The following OPLAH variants were observed in gnomAD, a reference collection of about 807,000 sequenced individuals.
OPLAH encodes the protein 5-oxoprolinase, ATP-hydrolysing, also known as 5-oxoprolinase.
In OPLAH, 103 loss-of-function variants were observed where a neutral mutation model predicts 122.8. The ratio of observed to expected loss-of-function variants is 0.84; its 90% CI spans 0.71 to 0.99. The LOEUF is 0.99. OPLAH is among the 50% of genes least tolerant of loss of function. The pLI, the probability that OPLAH is intolerant of heterozygous loss-of-function variation, is 0.00. For synonymous variants in OPLAH, 875 were observed against 796.0 expected (o/e 1.10, Z -1.67); for missense variants, 1,902 against 1,836.5 (o/e 1.04, Z -0.65).
rs782207308 is a variant in OPLAH, at chr8:144,058,139, G to A, written c.959C>T (p.Thr320Met). ...TTCCCCAGCATAGCGGCTCACATCC[G>A]TGGACGTGCCTGGCAGGGGTGGGGT... ...VIGFDMGGTS[T>M]DVSRYAGEFE... Residue 320 changes from threonine to methionine, a missense_variant, in exon 8 of 27, where the codon ACG becomes ATG. Physicochemically the swap from Thr to Met is moderately conservative, Grantham distance 81. Coordinates refer to ENST00000618853, the MANE Select transcript of OPLAH (RefSeq NM_017570.5). The A allele has an allele frequency of 1.2e-5, 19 of 1,612,278 alleles. No homozygotes were observed. In the Middle Eastern group the frequency reaches 4.9e-4, roughly 42 times the overall value.
At position 144,059,729 on chromosome 8, in the gene OPLAH, C is replaced by G; in HGVS notation, c.233G>C (p.Arg78Pro). 6.2e-7 allele frequency: 1 copy of G among 1,610,922 alleles called. No homozygotes were observed. Among genetic ancestry groups the G allele is most frequent in the Non-Finnish European group, 8.5e-7 (1 of 1,179,670 alleles). ...GTTGGTGGCCACTGTGGTGCCCATG[C>G]GGATGCTGGCGATATGACTGGAGTC... ...PLDSSHIASI[R>P]MGTTVATNAL... is the part of the protein sequence containing the mutation. The change falls in exon 3 of 27, where the codon CGC becomes CCC. Residue 78 changes from arginine (R) to proline (P), a missense_variant. Arg to Pro is a moderately radical substitution (Grantham distance 103). Around this residue, in one of 3 missense-constraint regions of OPLAH, gnomAD observed 168 missense variants for 170.6 expected, o/e 0.98. Transcript: ENST00000618853.
At chr8:144,059,163 G>A in intron 3 of OPLAH, 84 bp from the exon 4 acceptor site, 1 of 1,142,430 alleles carries the variant, frequency 8.8e-7, no homozygotes, top group Middle Eastern at 2.0e-4. Flanking sequence ...ACAGGTGAGT[G>A]GCTGTGTCCC....
chr8:144,052,068 A>G lies in OPLAH; in HGVS notation c.3470T>C (p.Val1157Ala), dbSNP rs782075767. 6.3e-6 allele frequency: 10 copies of G among 1,583,224 alleles called. No homozygotes were observed. The South Asian group carries it at 1.1e-4, about 18-fold the overall frequency. Residue 1157 changes from valine to alanine, a missense_variant, in exon 25 of 27, where the codon GTC (valine) becomes GCC (alanine). By Grantham distance (64) the Val-to-Ala change is moderately conservative (BLOSUM62 0). Around this residue, in one of 3 missense-constraint regions of OPLAH, gnomAD observed 1,726 missense variants for 1,642.1 expected, o/e 1.05. Transcript: ENST00000618853. ...CCGCAGCTCGAAGCGGCGCAGGATGACCGGGTACCTGCGAGGGCGAGGACG... is the reference window on the plus strand; with the variant it reads ...CCGCAGCTCGAAGCGGCGCAGGATGGCCGGGTACCTGCGAGGGCGAGGACG... The part of the protein sequence containing the change: ...DPEILESRYP[V>A]ILRRFELRRG...
rs374809391 is a variant in OPLAH, at chr8:144,055,769, C to A, written c.2248+19G>T. ...AGCCGGCGCCTCATCCCACAGGGAG[C>A]CTGGCAGCGGCCACTCACCAGCAAT... On this transcript the variant is annotated intron_variant, in intron 16 of 26. Coordinates refer to ENST00000618853, the MANE Select transcript of OPLAH (RefSeq NM_017570.5). The surrounding 1 kb of genome is among the most constrained non-coding windows in gnomAD (Gnocchi z 6.5). 94 of 1,491,364 alleles carry A rather than the reference C, an allele frequency of 6.3e-5. No homozygotes were observed. Among genetic ancestry groups the A allele is most frequent in the Non-Finnish European group, 8.2e-5 (91 of 1,113,058 alleles). 92.4% of individuals were successfully genotyped at this position (1,491,364 alleles called of 1,614,324 possible).
At chr8:144,062,899 G>A (rs543829832), upstream of OPLAH, among the ~76,000 whole-genome samples, 16 of 149,522 alleles carry the variant, frequency 1.1e-4, no homozygotes, top group East Asian at 2.8e-3. Context: ...CCCCACCTCC[G>A]CCTGCCTCCT....
At chr8:144,059,214 GC>G in intron 3 of OPLAH, 135 bp from the exon 4 acceptor site, 1 of 743,514 alleles carries the variant, frequency 1.3e-6, no homozygotes, top group South Asian at 1.8e-5. Flanking sequence ...ATACCTGGCA[GC>G]CCCAGCAAGG....
At position 144,056,219 on chromosome 8, in the gene OPLAH, G is replaced by A; in HGVS notation, c.2024C>T (p.Pro675Leu). ...GCCCAGCTCTGCCAGCAGGTACACA[G>A]GGGTCTCCTGGTAGCCCCCCTCAAA... ...CYFEGGYQET[P>L]VYLLAELGYG... Residue 675 changes from proline (P) to leucine (L), a missense_variant, in exon 15 of 27, where the codon CCT becomes CTT. Physicochemically the swap from Pro to Leu is moderately conservative, Grantham distance 98. Around this residue, in one of 3 missense-constraint regions of OPLAH, gnomAD observed 1,726 missense variants for 1,642.1 expected, o/e 1.05. Coordinates refer to ENST00000618853, the MANE Select transcript of OPLAH (RefSeq NM_017570.5). 6.2e-7 allele frequency: 1 copy of A among 1,612,078 alleles called. No individual in the cohort carries two copies. Among genetic ancestry groups the A allele is most frequent in the Non-Finnish European group, 8.5e-7 (1 of 1,179,304 alleles).
Position 144,058,883 on chromosome 8 carries a change from G to C in OPLAH, c.477C>G (p.Asp159Glu), listed in dbSNP as rs2129836388. The C allele has an allele frequency of 3.2e-6, 5 of 1,552,736 alleles. No homozygotes were observed. The highest frequency in any genetic ancestry group is 4.4e-6 in the Non-Finnish European group (5 of 1,147,690). Residue 159 changes from aspartate (D) to glutamate (E), a missense_variant, in exon 5 of 27, where the codon GAC becomes GAG. Around this residue, in one of 3 missense-constraint regions of OPLAH, gnomAD observed 1,726 missense variants for 1,642.1 expected, o/e 1.05. Coordinates refer to ENST00000618853, the MANE Select transcript of OPLAH (RefSeq NM_017570.5). ...TGTPVKGRTG[D>E]LLEVQQPVDL... ...CCACAGGCTGCTGCACTTCCAGCAG[G>C]TCCCCCGTGCGGCCTTCCAGAAAAG...
intron 19 of OPLAH, among the ~76,000 whole-genome samples, chr8:144,054,304 C>A (rs773464202): frequency 8.5e-5 from 13 of 152,182 alleles, no homozygotes; most frequent in Non-Finnish European, 1.6e-4. Context: ...TCTCCAGCAC[C>A]CTGACCCTCC....
intron 19 of OPLAH, among the ~76,000 whole-genome samples, chr8:144,054,007 ACAT>A (rs1287979393): frequency 8.7e-6 from 1 of 115,398 alleles, no homozygotes; most frequent in Non-Finnish European, 1.7e-5. Context: ...TCAGCCCAAG[ACAT>A]CAGCATCATC....
downstream of OPLAH, chr8:144,050,800 G>A: frequency 3.0e-6 from 3 of 987,836 alleles, no homozygotes; most frequent in East Asian, 1.1e-4. Flanking sequence ...CCCAGGGACC[G>A]CGCTGAGCAC....
intron 9 of OPLAH, 23 bp downstream of exon 9, chr8:144,057,833 G>A (rs1260355094): frequency 3.1e-6 from 5 of 1,607,462 alleles, no homozygotes; most frequent in Non-Finnish European, 4.2e-6. Flanking sequence ...GCAAGGCCAG[G>A]CCGGCCAGAT....
rs1554758552 is a variant in OPLAH, at chr8:144,054,823, C to G, written c.2500G>C (p.Val834Leu). The G allele has an allele frequency of 6.2e-7, 1 of 1,612,266 alleles. No homozygotes were observed. Reference sequence around the variant, plus strand: ...GCAGCACCCCTCACCGGTGTGATAACAGTCAGGTCTGGCAGGTGGCTGCCC... The same window carrying G: ...GCAGCACCCCTCACCGGTGTGATAAGAGTCAGGTCTGGCAGGTGGCTGCCC... ...AGGSHLPDLT[V>L]ITPVFWPGQT... is the part of the protein sequence containing the mutation. Residue 834 changes from valine to leucine, a missense_variant, in exon 18 of 27, where the codon GTT becomes CTT. Physicochemically the swap from Val to Leu is conservative, Grantham distance 32 (BLOSUM62 1). This residue lies in a region of OPLAH where 1,726 missense variants were observed against 1,642.1 expected (regional missense o/e 1.05). Transcript: ENST00000618853.
chr8:144,051,072 C>G (rs781888453), downstream of OPLAH: 121 of 1,330,866 alleles, frequency 9.1e-5, no homozygotes, highest in Non-Finnish European at 1.1e-4. Flanking sequence ...GTGGCTGGGC[C>G]TGCGGCACTG....
chr8:144,056,075 C>G, intron 15 of OPLAH, 72 bp downstream of exon 15: 3 of 1,542,408 alleles, frequency 1.9e-6, no homozygotes, highest in Non-Finnish European at 2.6e-6. Context: ...AGCCTTGGGC[C>G]AGAGAACCCT....
Position 144,060,096 on chromosome 8 carries a change from G to T in OPLAH, c.-53-11C>A. ...GTAGCCCTGGAAAAACTGGACGGAGGCGGGGTCAGCCCGGGCTCACCTGCG... is the reference window on the plus strand; with the variant it reads ...GTAGCCCTGGAAAAACTGGACGGAGTCGGGGTCAGCCCGGGCTCACCTGCG... On this transcript the variant is annotated splice_polypyrimidine_tract_variant and intron_variant, in intron 1 of 26. Transcript: ENST00000618853. 1.3e-6 allele frequency: 2 copies of T among 1,538,526 alleles called. No homozygotes were observed. The highest frequency in any genetic ancestry group is 2.4e-5 in the South Asian group (2 of 83,088).
At chr8:144,057,801 G>C in intron 9 of OPLAH, 55 bp downstream of exon 9, 1 of 1,604,172 alleles carries the variant, frequency 6.2e-7, no homozygotes, top group Non-Finnish European at 8.5e-7. Context: ...GGAGGGGCTG[G>C]GCCTGCGGCG....
upstream of OPLAH, among the ~76,000 whole-genome samples, chr8:144,061,998 G>A (rs1200128094): frequency 6.9e-6 from 1 of 144,400 alleles, no homozygotes; most frequent in Non-Finnish European, 1.5e-5. Context: ...CCAGCCTGGC[G>A]ACAGAGTGAG....
intron 14 of OPLAH, 21 bp from the exon 15 acceptor site, chr8:144,056,280 T>A (rs1554759040): frequency 6.2e-7 from 1 of 1,603,416 alleles, no homozygotes. Flanking sequence ...TGCGGGTGAG[T>A]ACAGCGCCCG....
Sources: allele counts gnomAD v4.1 joint callset (sites outside exome capture counted in the v4.1 genomes callset), GRCh38; gene constraint gnomAD v4.1.1; regional missense constraint gnomAD v4.1.1; non-coding constraint Gnocchi (gnomAD v3.1); transcripts MANE v1.5; gene names NCBI Gene and HGNC (gene_info 2026-07-23, HGNC 2026-07-21).